The following PIP variants were observed in gnomAD, a reference collection of about 807,000 sequenced individuals.
PIP encodes prolactin-inducible protein.
A neutral mutation model predicts 12.8 loss-of-function variants in PIP; 9 were observed. The ratio of observed to expected loss-of-function variants is 0.70; its 90% confidence interval spans 0.42 to 1.23. PIP has a LOEUF of 1.23. Among genes scored for constraint, PIP ranks in the 50% most tolerant of loss-of-function variants. PIP has a pLI of 0.00. For missense variants in PIP, 172 were observed against 179.5 expected (o/e 0.96, Z 0.24); for synonymous variants, 60 against 66.1 (o/e 0.91, Z 0.45).
At chr7:143,137,486 G>A (rs1036831364) in intron 2 of PIP, among the ~76,000 whole-genome samples, 7 of 152,214 alleles carry the variant, frequency 4.6e-5, no homozygotes, top group Admixed American at 4.6e-4. Context: ...ACATTAAACT[G>A]CACTGGTCTT....
intron 1 of PIP, among the ~76,000 whole-genome samples, chr7:143,132,882 G>A (rs1008639329): frequency 1.3e-5 from 2 of 152,050 alleles, no homozygotes; most frequent in African/African-American, 4.8e-5. Flanking sequence ...AGAAAGCAGC[G>A]ATACCCAATC....
At chr7:143,132,244 A>T (rs1298629594) in intron 1 of PIP, 33 bp downstream of exon 1, 1 of 1,609,116 alleles carries the variant, frequency 6.2e-7, no homozygotes, top group Non-Finnish European at 8.5e-7. Flanking sequence ...CCACAAAAAA[A>T]ATTGCAGGGA....
intron 1 of PIP, among the ~76,000 whole-genome samples, chr7:143,133,692 C>T (rs946214350): frequency 6.6e-6 from 1 of 152,138 alleles, no homozygotes; most frequent in African/African-American, 2.4e-5. Context: ...GTCCAAATTT[C>T]CTAAGGAGCT....
intron 1 of PIP, among the ~76,000 whole-genome samples, chr7:143,134,251 C>G (rs1799280510): frequency 8.4e-6 from 1 of 118,538 alleles, no homozygotes; most frequent in Non-Finnish European, 1.7e-5. Flanking sequence ...TTTCTTTATC[C>G]ACTCGTTGAT....
intron 2 of PIP, among the ~76,000 whole-genome samples, chr7:143,138,041 T>G (rs919239183): frequency 4.6e-5 from 7 of 152,030 alleles, no homozygotes; most frequent in Non-Finnish European, 8.8e-5. Context: ...TACTTGATGC[T>G]GAGTTGCCAG....
rs752151562 is a variant in PIP, at chr7:143,135,157, T to C, written c.96-37T>C. On this transcript the variant is annotated intron_variant, in intron 1 of 3. Coordinates refer to ENST00000291009, the MANE Select transcript of PIP (RefSeq NM_002652.3). Reference sequence around the variant, plus strand: ...CCCCCCTCACTCAAAGATTGGTCTCTGATCCTGGTGTTCTGATTCTCTCTT... The same window carrying C: ...CCCCCCTCACTCAAAGATTGGTCTCCGATCCTGGTGTTCTGATTCTCTCTT... 13 of 1,137,242 alleles carry C rather than the reference T, an allele frequency of 1.1e-5. No homozygotes were observed. The South Asian group carries it at 1.7e-4, about 14-fold the overall frequency. 70.4% of individuals were successfully genotyped at this position (1,137,242 alleles called of 1,614,324 possible).
intron 1 of PIP, among the ~76,000 whole-genome samples, chr7:143,134,191 T>C (rs1343565205): frequency 1.1e-3 from 26 of 23,234 alleles, no homozygotes; most frequent in African/African-American, 5.3e-3. Context: ...ATCATATATA[T>C]ATATATATAT....
chr7:143,139,714 T>C lies in PIP; in HGVS notation c.*72T>C. The C allele has an allele frequency of 1.4e-6, 2 of 1,465,102 alleles. No individual in the cohort carries two copies. Among genetic ancestry groups the C allele is most frequent in the East Asian group, 2.3e-5 (1 of 43,656 alleles). 90.8% of individuals were successfully genotyped at this position (1,465,102 alleles called of 1,614,324 possible). On this transcript the variant is annotated 3_prime_UTR_variant, in exon 4 of 4. Transcript: ENST00000291009. The stretch of plus-strand genomic sequence containing the variant: ...AACTTGGCTGGAATTTCTGCTGTGG[T>C]CTATAAAATAAACTTCTTAACATGC...
chr7:143,132,618 C>T (rs1799255202), intron 1 of PIP, among the ~76,000 whole-genome samples: 1 of 152,106 alleles, frequency 6.6e-6, no homozygotes, highest in Non-Finnish European at 1.5e-5. Context: ...CAGCTTAGGG[C>T]AGCTTTGGCA....
rs1799296702 is a variant in PIP, at chr7:143,135,246, G to A, written c.148G>A (p.Asp50Asn). ...CATTCCCAAGTCAGTACGTCCAAATGACGAAGTCACTGCAGTGCTTGCAGT... is the reference window on the plus strand; with the variant it reads ...CATTCCCAAGTCAGTACGTCCAAATAACGAAGTCACTGCAGTGCTTGCAGT... Reference protein sequence around the residue: ...FDIPKSVRPNDEVTAVLAVQT... With the variant: ...FDIPKSVRPNNEVTAVLAVQT... The change falls in exon 2 of 4, where the codon GAC (aspartate) becomes AAC (asparagine). Residue 50 changes from aspartate to asparagine, a missense_variant. Asp to Asn is a conservative substitution (Grantham distance 23). Transcript: ENST00000291009. 6.2e-7 allele frequency: 1 copy of A among 1,604,244 alleles called. No individual in the cohort carries two copies. The highest frequency in any genetic ancestry group is 1.3e-5 in the African/African-American group (1 of 74,824).
chr7:143,134,441 T>C (rs1409116632), intron 1 of PIP, among the ~76,000 whole-genome samples: 1 of 151,138 alleles, frequency 6.6e-6, no homozygotes, highest in African/African-American at 2.4e-5. Context: ...CTCCACACTG[T>C]TTTACATAGT....
At chr7:143,138,956 G>T (rs1036759742) in intron 2 of PIP, 119 bp from the exon 3 acceptor site, 14 of 671,492 alleles carry the variant, frequency 2.1e-5, no homozygotes, top group Non-Finnish European at 3.0e-5. Context: ...ACTCCCCCTT[G>T]CCCTAGGCCC....
At chr7:143,138,333 T>C (rs527467137) in intron 2 of PIP, among the ~76,000 whole-genome samples, 1 of 152,108 alleles carries the variant, frequency 6.6e-6, no homozygotes, top group Non-Finnish European at 1.5e-5. Context: ...CCTGCCTGAG[T>C]CCACAGACTC....
intron 1 of PIP, among the ~76,000 whole-genome samples, chr7:143,133,808 A>T (rs61069487): frequency 0.22 from 33,567 of 151,690 alleles, 5,859 homozygotes; most frequent in African/African-American, 0.48. Flanking sequence ...CTGGGTTTTT[A>T]AAATTTTTTA....
At chr7:143,138,371 G>C (rs1269676431) in intron 2 of PIP, among the ~76,000 whole-genome samples, 5 of 151,876 alleles carry the variant, frequency 3.3e-5, no homozygotes, top group Non-Finnish European at 1.5e-5. Flanking sequence ...GATCCCTCTG[G>C]GTCTATGGAC....
At chr7:143,136,277 C>T (rs1309775313) in intron 2 of PIP, among the ~76,000 whole-genome samples, 2 of 152,042 alleles carry the variant, frequency 1.3e-5, no homozygotes, top group African/African-American at 2.4e-5. Context: ...CTCCCCAGAC[C>T]CTTCATGAAG....
chr7:143,133,596 A>G (rs1156938115), intron 1 of PIP, among the ~76,000 whole-genome samples: 1 of 151,964 alleles, frequency 6.6e-6, no homozygotes, highest in African/African-American at 2.4e-5. Flanking sequence ...TGACCATTTT[A>G]TTTGTCTCCA....
At chr7:143,137,017 AT>A (rs917615496) in intron 2 of PIP, among the ~76,000 whole-genome samples, 1 of 151,722 alleles carries the variant, frequency 6.6e-6, no homozygotes, top group African/African-American at 2.4e-5. Flanking sequence ...TCTAATCCTC[AT>A]TTTTTATCAT....
chr7:143,135,208 TAAAGA>T lies in PIP; in HGVS notation c.112_116del (p.Lys38PhefsTer2), dbSNP rs1563016159. On this transcript the variant is annotated frameshift_variant, in exon 2 of 4. Coordinates refer to ENST00000291009, the MANE Select transcript of PIP (RefSeq NM_002652.3). LOFTEE classifies it high-confidence loss of function. ...CCCACAATCAGTCGGAAGATCATAA[TAAAGA>T]ATTTTGACATTCCCAAGTCAGTACG... 1 of 1,570,806 alleles carries T rather than the reference TAAAGA, an allele frequency of 6.4e-7. No homozygotes were observed. Among genetic ancestry groups the T allele is most frequent in the South Asian group, 1.1e-5 (1 of 90,180 alleles).
Sources: gnomAD v4.1 joint callset for allele counts (sites outside exome capture counted in the v4.1 genomes callset) on GRCh38, gnomAD v4.1.1 for gene constraint, MANE v1.5 for transcripts, NCBI Gene and HGNC (gene_info 2026-07-23, HGNC 2026-07-21) for gene names.